BCR: variants seen among roughly 807,000 people sequenced by gnomAD.
BCR encodes breakpoint cluster region protein.
A neutral mutation model predicts 138.6 loss-of-function variants in BCR; 58 were observed. The observed-to-expected ratio is 0.42, with a 90% confidence interval of 0.34 to 0.52. BCR has a LOEUF of 0.52. Among genes scored for constraint, BCR ranks in the 20% least tolerant of loss-of-function variants. The pLI, the probability that BCR is intolerant of heterozygous loss-of-function variation, is 0.06. For synonymous variants in BCR, 786 were observed against 730.1 expected (o/e 1.08, Z -1.23); for missense variants, 1,599 against 1,727.2 (o/e 0.93, Z 1.32).
chr22:23,314,606 C>G lies in BCR; in HGVS notation c.3618C>G (p.Val1206=), dbSNP rs56183727. 1.2e-5 allele frequency: 20 copies of G among 1,611,892 alleles called. No homozygotes were observed. Among genetic ancestry groups the G allele is most frequent in the Non-Finnish European group, 1.4e-5 (16 of 1,179,848 alleles). The change falls in exon 22 of 23, where the codon GTC becomes GTG. Residue 1206 remains valine (V), a synonymous_variant. Transcript: ENST00000305877. The part of the protein sequence containing the change: ...NKMSLHNLAT[V]FGPTLLRPSE... ...TGTCCCTGCACAACCTCGCCACGGT[C>G]TTTGGCCCCACGCTGCTCCGGCCCT...
At chr22:23,263,735 GTGTGGAT>G in intron 4 of BCR, 1 of 1,431,832 alleles carries the variant, frequency 7.0e-7, no homozygotes, top group Non-Finnish European at 9.9e-7. Flanking sequence ...GAGGTGAACT[GTGTGGAT>G]TGCAAAGGGG....
In BCR at chr22:23,311,571, C is replaced by T. The variant is rs1602134563; in HGVS notation, c.3183-126C>T. ...GCATGCAGAAGGCTCTGTGTGCAGC[C>T]CCAGACCTGGGTACCTTCGTCACCG... On this transcript the variant is annotated intron_variant, in intron 18 of 22. Coordinates refer to ENST00000305877, the MANE Select transcript of BCR (RefSeq NM_004327.4). 1.8e-5 allele frequency: 12 copies of T among 682,800 alleles called. No homozygotes were observed. The East Asian group carries it at 3.3e-4, about 19-fold the overall frequency. 42.3% of individuals were successfully genotyped at this position (682,800 alleles called of 1,614,324 possible).
At chr22:23,233,758 C>A (rs2072987180) in intron 1 of BCR, among the ~76,000 whole-genome samples, 1 of 149,724 alleles carries the variant, frequency 6.7e-6, no homozygotes, top group Admixed American at 6.7e-5. Flanking sequence ...CCACTGCACG[C>A]CAGCCTGGGT....
At chr22:23,187,573 A>G (rs1013615406) in intron 1 of BCR, among the ~76,000 whole-genome samples, 28 of 151,154 alleles carry the variant, frequency 1.9e-4, no homozygotes, top group African/African-American at 6.1e-4. Flanking sequence ...GGCTTAAGCA[A>G]TCTACCCACC....
Position 23,310,702 on chromosome 22 carries a change from G to C in BCR, c.3182+269G>C, listed in dbSNP as rs564473086. ...TCTGCCCTTGCTTGGAATTTATCACGGTCCCAGATTCCTGTTGAATGGCCG... is the reference window on the plus strand; with the variant it reads ...TCTGCCCTTGCTTGGAATTTATCACCGTCCCAGATTCCTGTTGAATGGCCG... On this transcript the variant is annotated intron_variant, in intron 18 of 22. Coordinates refer to ENST00000305877, the MANE Select transcript of BCR (RefSeq NM_004327.4). Among the ~76,000 whole-genome samples, 318 of 152,276 alleles carry C rather than the reference G, an allele frequency of 2.1e-3. 2 individuals are homozygous for C. The highest frequency in any genetic ancestry group is 1.3e-3 in the Non-Finnish European group (88 of 68,040).
At position 23,314,053 on chromosome 22, in the gene BCR, C is replaced by A; in HGVS notation, c.3543C>A (p.Phe1181Leu). The change falls in exon 21 of 23, where the codon TTC becomes TTA. Residue 1181 changes from phenylalanine (F) to leucine (L), a missense_variant. By Grantham distance (22) the Phe-to-Leu change is conservative. Coordinates refer to ENST00000305877, the MANE Select transcript of BCR (RefSeq NM_004327.4). The part of the protein sequence containing the change: ...LPEANLLTFL[F>L]LLDHLKRVAE... ...AGGCCAACCTGCTCACCTTCCTTTT[C>A]CTTCTGGACCACCTGAAAAGGTAGC... 6.2e-7 allele frequency: 1 copy of A among 1,613,602 alleles called. No individual in the cohort carries two copies. The highest frequency in any genetic ancestry group is 8.5e-7 in the Non-Finnish European group (1 of 1,179,964).
intron 4 of BCR, among the ~76,000 whole-genome samples, chr22:23,265,763 A>G (rs1413066725): frequency 6.6e-6 from 1 of 152,250 alleles, no homozygotes; most frequent in African/African-American, 2.4e-5. Context: ...TGCACACGCA[A>G]ACGCACATAG....
In BCR at chr22:23,181,393, C is replaced by G; in HGVS notation, c.433C>G (p.Arg145Gly). Residue 145 changes from arginine to glycine, a missense_variant, in exon 1 of 23, where the codon CGG becomes GGG. Arg to Gly is a moderately radical substitution (Grantham distance 125). Coordinates refer to ENST00000305877, the MANE Select transcript of BCR (RefSeq NM_004327.4). ...AGCCGCGTCGGGGGAACGGGACGAC[C>G]GGGGACCCCCCGCCAGCGTGGCGGC... ...GAAASGERDDRGPPASVAALR... is the reference protein window; with the variant it reads ...GAAASGERDDGGPPASVAALR... 1 of 1,556,904 alleles carries G rather than the reference C, an allele frequency of 6.4e-7. No individual in the cohort carries two copies. The highest frequency in any genetic ancestry group is 8.7e-7 in the Non-Finnish European group (1 of 1,152,536).
chr22:23,288,799 T>G (rs1262243086), intron 12 of BCR, among the ~76,000 whole-genome samples: 1 of 152,178 alleles, frequency 6.6e-6, no homozygotes, highest in Non-Finnish European at 1.5e-5. Context: ...AGGGCGCTCC[T>G]TCCTTCGGGT....
intron 16 of BCR, among the ~76,000 whole-genome samples, chr22:23,302,107 C>T (rs1602123494): frequency 6.6e-6 from 1 of 152,112 alleles, no homozygotes; most frequent in Non-Finnish European, 1.5e-5. Context: ...CTCATGGAGC[C>T]TCTATCGTGC....
intron 21 of BCR, 104 bp from the exon 22 acceptor site, chr22:23,314,448 G>GA: frequency 7.5e-7 from 1 of 1,328,122 alleles, no homozygotes; most frequent in Non-Finnish European, 1.1e-6. Context: ...GCACAGCCAG[G>GA]GTCGAGGTCA....
chr22:23,242,632 C>T (rs1217832489), intron 1 of BCR, among the ~76,000 whole-genome samples: 1 of 152,196 alleles, frequency 6.6e-6, no homozygotes, highest in African/African-American at 2.4e-5. Context: ...CTCTGTTGGT[C>T]GCATTCTTCT....
At chr22:23,302,519 T>C (rs1353197804) in intron 16 of BCR, 1 of 152,312 alleles carries the variant, frequency 6.6e-6, no homozygotes, top group Admixed American at 6.5e-5. Context: ...TGTAGCTGGC[T>C]GCAGAGAGCC....
At chr22:23,271,718 T>C (rs772891131) in intron 6 of BCR, 126 bp downstream of exon 6, 2 of 894,332 alleles carry the variant, frequency 2.2e-6, no homozygotes, top group South Asian at 2.9e-5. Flanking sequence ...CCCTGTTCTC[T>C]CTTCAGATAG....
chr22:23,236,511 G>T (rs79677434), intron 1 of BCR, among the ~76,000 whole-genome samples: 1 of 152,212 alleles, frequency 6.6e-6, no homozygotes, highest in Non-Finnish European at 1.5e-5. Context: ...GCCAAGAGGA[G>T]AGCATGGCTC....
intron 15 of BCR, 75 bp from the exon 16 acceptor site, chr22:23,294,949 G>T: frequency 6.4e-7 from 1 of 1,557,372 alleles, no homozygotes; most frequent in South Asian, 1.2e-5. Context: ...GGAGAGCCCC[G>T]GTTCAGAGGA....
At chr22:23,263,317 A>C in intron 4 of BCR, 2 of 1,180,118 alleles carry the variant, frequency 1.7e-6, no homozygotes, top group African/African-American at 3.0e-5. Context: ...CACTTCACCA[A>C]CTGCGACCTG....
At position 23,295,034 on chromosome 22, in the gene BCR, T is replaced by C. The variant is rs1168140659; in HGVS notation, c.2891T>C (p.Ile964Thr). ...CCCTTGGGGCTGCAGGAATTTGAGA[T>C]AGAGCTGGAGGGCTCCCAGACCCTG... The part of the protein sequence containing the change: ...AEPNWNEEFE[I>T]ELEGSQTLRI... The change falls in exon 16 of 23, where the codon ATA (isoleucine) becomes ACA (threonine). Residue 964 changes from isoleucine to threonine, a missense_variant. Physicochemically the swap from Ile to Thr is moderately conservative, Grantham distance 89. Around this residue, in one of 4 missense-constraint regions of BCR, gnomAD observed 590 missense variants for 762.4 expected, o/e 0.77. Coordinates refer to ENST00000305877, the MANE Select transcript of BCR (RefSeq NM_004327.4). The C allele has an allele frequency of 1.2e-6, 2 of 1,613,876 alleles. No homozygotes were observed. Among genetic ancestry groups the C allele is most frequent in the Middle Eastern group, 1.6e-4 (1 of 6,078 alleles).
chr22:23,246,849 C>T lies in BCR; in HGVS notation c.1280-6950C>T, dbSNP rs189733101. ...CTCCCTGAAGCACTACGGGTATTCC[C>T]TGACCTTACCTGAGGTTCTGCTACG... On this transcript the variant is annotated intron_variant, in intron 1 of 22. Coordinates refer to ENST00000305877, the MANE Select transcript of BCR (RefSeq NM_004327.4). Among the ~76,000 whole-genome samples, 14 of 152,174 alleles carry T rather than the reference C, an allele frequency of 9.2e-5. No individual in the cohort carries two copies. The East Asian group carries it at 2.7e-3, about 29-fold the overall frequency.
Sources: allele counts gnomAD v4.1 joint callset (sites outside exome capture counted in the v4.1 genomes callset), GRCh38; gene constraint gnomAD v4.1.1; regional missense constraint gnomAD v4.1.1; transcripts MANE v1.5; gene names NCBI Gene and HGNC (gene_info 2026-07-23, HGNC 2026-07-21).